Variants in CEP250 observed in about 807,000 individuals in gnomAD.
CEP250 encodes the protein centrosomal protein 250.
A neutral mutation model predicts 315.7 loss-of-function variants in CEP250; 242 were observed. The ratio of observed to expected loss-of-function variants is 0.77; its 90% CI spans 0.69 to 0.85. The LOEUF (loss-of-function observed/expected upper bound fraction) is 0.85, where lower values mean the gene tolerates loss of function less well. CEP250 is among the 40% of genes least tolerant of loss of function. The probability of loss-of-function intolerance (pLI) is 0.00; values close to 1 mark genes in which losing one functional copy is unlikely to be tolerated. For missense variants in CEP250, 2,515 were observed against 2,886.4 expected (o/e 0.87, Z 2.95); for synonymous variants, 1,088 against 1,175.0 (o/e 0.93, Z 1.51).
chr20:35,473,893 C>T lies in CEP250; in HGVS notation c.1412C>T (p.Ala471Val), dbSNP rs199644814. The T allele has an allele frequency of 1.9e-6, 3 of 1,613,036 alleles. No homozygotes were observed. Among genetic ancestry groups the T allele is most frequent in the Non-Finnish European group, 2.5e-6 (3 of 1,179,628 alleles). ...AGGGAGCGAGAGCTGCTGCAGAAGG[C>T]CAGGGAAGAGCTGCGGCAGCAGCTG... is the stretch of plus-strand genomic sequence containing the variant. ...LSKERELLQK[A>V]REELRQQLEV... Residue 471 changes from alanine (A) to valine (V), a missense_variant, in exon 14 of 35, where the codon GCC becomes GTC. Coordinates refer to ENST00000397527, the MANE Select transcript of CEP250 (RefSeq NM_007186.6).
chr20:35,503,460 G>A lies in CEP250; in HGVS notation c.5091G>A (p.Arg1697=), dbSNP rs773461379. Residue 1697 remains arginine, a synonymous_variant, in exon 30 of 35, where the codon CGG becomes CGA. Transcript: ENST00000397527. This position sits in a 1 kb window ranked among gnomAD's most constrained non-coding sequence, Gnocchi z 4.2. Reference sequence around the variant, plus strand: ...AGCTGTCCTTGAGAGAGCGAGGCCGGGAGCTGACCACTCAGAGGCAGCTGA... The same window carrying A: ...AGCTGTCCTTGAGAGAGCGAGGCCGAGAGCTGACCACTCAGAGGCAGCTGA... ...QIKLSLRERG[R]ELTTQRQLMQ... 10 of 1,614,028 alleles carry A rather than the reference G, an allele frequency of 6.2e-6. No homozygotes were observed. The African/African-American group carries it at 6.7e-5, about 11-fold the overall frequency.
At chr20:35,482,086 T>C (rs1046608561) in intron 20 of CEP250, among the ~76,000 whole-genome samples, 4 of 152,064 alleles carry the variant, frequency 2.6e-5, no homozygotes, top group African/African-American at 9.7e-5. Flanking sequence ...GATAGATAGA[T>C]AGATAGATAG....
At position 35,512,043 on chromosome 20, in the gene CEP250, A is replaced by C; in HGVS notation, c.*417A>C. 1 of 1,023,494 alleles carries C rather than the reference A, an allele frequency of 9.8e-7. No individual in the cohort carries two copies. The highest frequency in any genetic ancestry group is 1.2e-6 in the Non-Finnish European group (1 of 854,416). 63.4% of individuals were successfully genotyped at this position (1,023,494 alleles called of 1,614,324 possible). On this transcript the variant is annotated 3_prime_UTR_variant, in exon 35 of 35. Transcript: ENST00000397527. ...ACATCAAGGGAGTTTATCTGGGAAG[A>C]ACTTGCCAAAGATTCCTGTTGAGGT...
In CEP250 at chr20:35,508,978, C is replaced by T; in HGVS notation, c.6942C>T (p.Ala2314=). 1.9e-6 allele frequency: 3 copies of T among 1,557,682 alleles called. No individual in the cohort carries two copies. Among genetic ancestry groups the T allele is most frequent in the Non-Finnish European group, 2.6e-6 (3 of 1,149,942 alleles). Residue 2314 remains alanine (A), a synonymous_variant, in exon 33 of 35, where the codon GCC becomes GCT. Transcript: ENST00000397527. The part of the protein sequence containing the change: ...ERERRKLKRE[A]MRAAQAGSLE... ...AACGGAGGAAGCTGAAGAGGGAGGC[C>T]ATGCGTGCGGCCCAGGCAGGGTCCC...
intron 34 of CEP250, among the ~76,000 whole-genome samples, chr20:35,510,267 TAGAAAG>T (rs1339581188): frequency 3.3e-5 from 5 of 152,058 alleles, no homozygotes; most frequent in Non-Finnish European, 7.4e-5. Context: ...AATCCATACT[TAGAAAG>T]GGAAAGGAAT....
Position 35,497,890 on chromosome 20 carries a change from G to A in CEP250, c.3478G>A (p.Glu1160Lys). Residue 1160 changes from glutamate (E) to lysine (K), a missense_variant, in exon 26 of 35, where the codon GAG becomes AAG. Transcript: ENST00000397527. ...AQLQLRLRST[E>K]SQLEALAAEQ... The stretch of plus-strand genomic sequence containing the variant: ...ACTACAGCTGCGACTGCGCAGCACA[G>A]AGAGCCAGCTAGAAGCGCTGGCCGC... The A allele has an allele frequency of 6.2e-7, 1 of 1,606,236 alleles. No individual in the cohort carries two copies. Among genetic ancestry groups the A allele is most frequent in the Non-Finnish European group, 8.5e-7 (1 of 1,176,536 alleles).
At chr20:35,494,494 A>G (rs1410967147) in intron 23 of CEP250, 30 bp from the exon 24 acceptor site, 1 of 1,612,720 alleles carries the variant, frequency 6.2e-7, no homozygotes, top group East Asian at 2.2e-5. Flanking sequence ...CTGCCCTGCC[A>G]TCTTGGTCTT....
intron 7 of CEP250, 94 bp from the exon 8 acceptor site, chr20:35,466,872 C>T (rs2062891529): frequency 1.3e-6 from 1 of 763,226 alleles, no homozygotes; most frequent in Non-Finnish European, 2.4e-6. Flanking sequence ...GTCCCTCCTT[C>T]CTTCCCTCAG....
intron 26 of CEP250, 58 bp downstream of exon 26, chr20:35,498,125 G>A: frequency 7.9e-7 from 1 of 1,271,642 alleles, no homozygotes; most frequent in African/African-American, 1.5e-5. Context: ...TGGCTCCCAG[G>A]GGAAAGGGAG....
intron 20 of CEP250, among the ~76,000 whole-genome samples, chr20:35,487,215 C>G (rs1222281369): frequency 1.3e-5 from 2 of 151,678 alleles, no homozygotes; most frequent in Admixed American, 6.6e-5. Flanking sequence ...CACCTGTAAT[C>G]CCAGCACTTT....
chr20:35,474,123 C>A, intron 14 of CEP250, 71 bp downstream of exon 14: 1 of 1,264,130 alleles, frequency 7.9e-7, no homozygotes, highest in Non-Finnish European at 1.1e-6. Context: ...CCGTCTACTC[C>A]CCTCTGTTAC....
chr20:35,480,084 C>T lies in CEP250; in HGVS notation c.2525C>T (p.Thr842Ile). 1 of 1,612,894 alleles carries T rather than the reference C, an allele frequency of 6.2e-7. No individual in the cohort carries two copies. Among genetic ancestry groups the T allele is most frequent in the Non-Finnish European group, 8.5e-7 (1 of 1,180,036 alleles). Reference protein sequence around the residue: ...QLAQAEQEGKTALEQQKAAHE... With the variant: ...QLAQAEQEGKIALEQQKAAHE... The stretch of plus-strand genomic sequence containing the variant: ...GCCCAGGCTGAGCAAGAAGGGAAGA[C>T]TGCCTTGGAGCAGCAGAAGGCAGCC... The change falls in exon 20 of 35, where the codon ACT (threonine) becomes ATT (isoleucine). Residue 842 changes from threonine to isoleucine, a missense_variant. Physicochemically the swap from Thr to Ile is moderately conservative, Grantham distance 89. Coordinates refer to ENST00000397527, the MANE Select transcript of CEP250 (RefSeq NM_007186.6).
At chr20:35,498,864 A>C in intron 27 of CEP250, 148 bp downstream of exon 27, 2 of 928,192 alleles carry the variant, frequency 2.2e-6, no homozygotes, top group Non-Finnish European at 3.1e-6. Context: ...GCAACCACAA[A>C]TGAAGCATTT....
Position 35,462,322 on chromosome 20 carries a change from C to T in CEP250, c.-46C>T. On this transcript the variant is annotated 5_prime_UTR_variant, in exon 4 of 35. Coordinates refer to ENST00000397527, the MANE Select transcript of CEP250 (RefSeq NM_007186.6). ...TTAGAGACCCTGCTGGGCGTGAACA[C>T]CCTCTGGCTACCTAGGGACCTGTGG... 2 of 1,506,530 alleles carry T rather than the reference C, an allele frequency of 1.3e-6. No individual in the cohort carries two copies. The highest frequency in any genetic ancestry group is 1.8e-6 in the Non-Finnish European group (2 of 1,111,620). 93.3% of individuals were successfully genotyped at this position (1,506,530 alleles called of 1,614,324 possible). A position where few individuals can be genotyped will look rare whatever the true frequency, so the allele number is the denominator to read the frequency against.
chr20:35,461,447 G>A (rs539306813), intron 3 of CEP250, among the ~76,000 whole-genome samples: 5 of 152,336 alleles, frequency 3.3e-5, no homozygotes, highest in African/African-American at 4.8e-5. Context: ...GAAGGTCACC[G>A]TTAGGCTGGC....
In CEP250 at chr20:35,503,599, C is replaced by T. The variant is rs1405814547; in HGVS notation, c.5230C>T (p.His1744Tyr). The change falls in exon 30 of 35, where the codon CAT becomes TAT. Residue 1744 changes from histidine to tyrosine, a missense_variant. Coordinates refer to ENST00000397527, the MANE Select transcript of CEP250 (RefSeq NM_007186.6). This position sits in a 1 kb window ranked among gnomAD's most constrained non-coding sequence, Gnocchi z 4.2. ...KEKEVECQQE[H>Y]IHELQELKDQ... ...GAAGGAGGTGGAATGTCAGCAGGAG[C>T]ATATCCATGAACTCCAGGAGCTCAA... The T allele has an allele frequency of 1.9e-6, 3 of 1,614,110 alleles. No homozygotes were observed. Among genetic ancestry groups the T allele is most frequent in the Middle Eastern group, 3.3e-4 (2 of 6,062 alleles).
At position 35,479,750 on chromosome 20, in the gene CEP250, C is replaced by T. The variant is rs764489895; in HGVS notation, c.2393C>T (p.Thr798Ile). The T allele has an allele frequency of 6.2e-7, 1 of 1,614,076 alleles. No homozygotes were observed. Among genetic ancestry groups the T allele is most frequent in the Non-Finnish European group, 8.5e-7 (1 of 1,180,046 alleles). ...GQLEVQIQTV[T>I]QAKEVIQGEV... is the part of the protein sequence containing the mutation. ...CTGGAGGTCCAGATTCAAACTGTCA[C>T]TCAAGCCAAGGAAGTAATCCAAGGT... Residue 798 changes from threonine (T) to isoleucine (I), a missense_variant, in exon 19 of 35, where the codon ACT (threonine) becomes ATT (isoleucine). Thr to Ile is a moderately conservative substitution (Grantham distance 89). Transcript: ENST00000397527.
At position 35,469,867 on chromosome 20, in the gene CEP250, C is replaced by T. The variant is rs756872936; in HGVS notation, c.852-23C>T. 5 of 1,537,388 alleles carry T rather than the reference C, an allele frequency of 3.3e-6. No homozygotes were observed. The East Asian group carries it at 9.0e-5, about 28-fold the overall frequency. The stretch of plus-strand genomic sequence containing the variant: ...CCACATCCATGGGCTGTTCTGGTGA[C>T]AGTGCTATGCTCTTCTCTTTAGGGT... On this transcript the variant is annotated intron_variant, in intron 9 of 34. Transcript: ENST00000397527.
chr20:35,479,736 G>T lies in CEP250; in HGVS notation c.2379G>T (p.Gln793His). 2 of 1,614,196 alleles carry T rather than the reference G, an allele frequency of 1.2e-6. No individual in the cohort carries two copies. ...IEVTKGQLEV[Q>H]IQTVTQAKEV... Reference sequence around the variant, plus strand: ...TCACCAAGGGGCAGCTGGAGGTCCAGATTCAAACTGTCACTCAAGCCAAGG... The same window carrying T: ...TCACCAAGGGGCAGCTGGAGGTCCATATTCAAACTGTCACTCAAGCCAAGG... The change falls in exon 19 of 35, where the codon CAG becomes CAT. Residue 793 changes from glutamine to histidine, a missense_variant. Gln to His is a conservative substitution (Grantham distance 24). Transcript: ENST00000397527.
Sources: gnomAD v4.1 joint callset for allele counts (sites outside exome capture counted in the v4.1 genomes callset) on GRCh38, gnomAD v4.1.1 for gene constraint, Gnocchi (gnomAD v3.1) non-coding constraint, MANE v1.5 for transcripts, NCBI Gene and HGNC (gene_info 2026-07-23, HGNC 2026-07-21) for gene names.